Variants in GALNT13 observed in about 807,000 individuals in gnomAD.
GALNT13 encodes UDP-GalNAc:polypeptide N-acetylgalactosaminyltransferase 13.
A neutral mutation model predicts 64.2 loss-of-function variants in GALNT13; 28 were observed. The observed-to-expected ratio is 0.44, with a 90% CI of 0.32 to 0.60. GALNT13 has a LOEUF of 0.60. Ranked by LOEUF, GALNT13 falls within the 20% of genes least tolerant of loss-of-function variation. The probability of loss-of-function intolerance (pLI) is 0.05; values close to 1 mark genes in which losing one functional copy is unlikely to be tolerated. For synonymous variants in GALNT13, 214 were observed against 224.6 expected (o/e 0.95, Z 0.42); for missense variants, 577 against 669.8 (o/e 0.86, Z 1.53).
chr2:153,141,761 A>C, the GALNT13 span, among the ~76,000 whole-genome samples: 1 of 152,174 alleles, frequency 6.6e-6, no homozygotes, highest in South Asian at 2.1e-4. Flanking sequence ...TACCATCATT[A>C]TAGAAGTCAT....
At chr2:153,521,946 AATG>A in the GALNT13 span, among the ~76,000 whole-genome samples, 1 of 152,138 alleles carries the variant, frequency 6.6e-6, no homozygotes, top group African/African-American at 2.4e-5. Context: ...TTGCCAACTG[AATG>A]ATATCTTAGT....
chr2:153,742,227 A>G, the GALNT13 span, among the ~76,000 whole-genome samples: 1 of 151,958 alleles, frequency 6.6e-6, no homozygotes, highest in Non-Finnish European at 1.5e-5. Flanking sequence ...AACATGCACT[A>G]TTTGTCTTTC....
intron 11 of GALNT13, among the ~76,000 whole-genome samples, chr2:154,410,771 ATAAT>A (rs1224603501): frequency 6.6e-6 from 1 of 151,952 alleles, no homozygotes; most frequent in Non-Finnish European, 1.5e-5. Flanking sequence ...TATCTGCTCC[ATAAT>A]TTCATACAGA....
At chr2:153,917,675 A>G (rs999290022) in intron 2 of GALNT13, among the ~76,000 whole-genome samples, 1 of 152,110 alleles carries the variant, frequency 6.6e-6, no homozygotes, top group Non-Finnish European at 1.5e-5. Context: ...ATTCTATCCA[A>G]ATCTCCCACC....
chr2:153,302,172 A>C, the GALNT13 span, among the ~76,000 whole-genome samples: 25 of 152,140 alleles, frequency 1.6e-4, no homozygotes, highest in Admixed American at 6.5e-4. Flanking sequence ...CCCACCAAAA[A>C]GTGTGCAACA....
At chr2:153,535,550 G>A in the GALNT13 span, among the ~76,000 whole-genome samples, 57 of 152,244 alleles carry the variant, frequency 3.7e-4, no homozygotes, top group African/African-American at 1.3e-3. Context: ...AGTCTAAGTT[G>A]GTCTGGTGTC....
chr2:154,099,618 T>G (rs1008497705), intron 3 of GALNT13, among the ~76,000 whole-genome samples: 1 of 152,074 alleles, frequency 6.6e-6, no homozygotes, highest in Admixed American at 6.6e-5. Context: ...GGTCAACTTT[T>G]GTTCTTCTGC....
chr2:153,204,297 G>T, the GALNT13 span, among the ~76,000 whole-genome samples: 1 of 152,090 alleles, frequency 6.6e-6, no homozygotes, highest in Non-Finnish European at 1.5e-5. Context: ...CTCGCCTCTT[G>T]AGGGATGCTT....
the GALNT13 span, among the ~76,000 whole-genome samples, chr2:153,614,028 G>A: frequency 4.4e-4 from 66 of 151,700 alleles, no homozygotes; most frequent in East Asian, 0.01. Flanking sequence ...AAAAAAAAAA[G>A]AAAAGTGTTT....
At chr2:153,525,916 G>C in the GALNT13 span, among the ~76,000 whole-genome samples, 1 of 152,272 alleles carries the variant, frequency 6.6e-6, no homozygotes, top group African/African-American at 2.4e-5. Context: ...TAGGCTGGCA[G>C]TACTGCACAT....
At chr2:153,511,273 G>A in the GALNT13 span, among the ~76,000 whole-genome samples, 9 of 151,136 alleles carry the variant, frequency 6.0e-5, 1 homozygote, top group South Asian at 1.7e-3. Context: ...GAAGAGTTGG[G>A]GTCCACTGCA....
intron 9 of GALNT13, among the ~76,000 whole-genome samples, chr2:154,305,390 AACACAC>A (rs758453204): frequency 6.6e-6 from 1 of 150,750 alleles, no homozygotes; most frequent in Non-Finnish European, 1.5e-5. Flanking sequence ...TGCACACACA[AACACAC>A]ACACACACAC....
At chr2:153,535,029 G>A in the GALNT13 span, among the ~76,000 whole-genome samples, 13,822 of 151,932 alleles carry the variant, frequency 0.091, 693 homozygotes, top group Middle Eastern at 0.16. Flanking sequence ...ATTTTTGGGG[G>A]GTGGTATGGA....
chr2:153,917,687 G>C (rs1452253695), intron 2 of GALNT13, among the ~76,000 whole-genome samples: 1 of 152,090 alleles, frequency 6.6e-6, no homozygotes, highest in Admixed American at 6.6e-5. Flanking sequence ...TCTCCCACCT[G>C]TAAGCCAAAA....
At chr2:154,373,347 G>A (rs1291850225) in intron 9 of GALNT13, among the ~76,000 whole-genome samples, 1 of 152,100 alleles carries the variant, frequency 6.6e-6, no homozygotes, top group African/African-American at 2.4e-5. Context: ...CATTTAAATT[G>A]AGGCTTGAAT....
the GALNT13 span, among the ~76,000 whole-genome samples, chr2:153,630,335 C>A: frequency 1.3e-5 from 2 of 151,886 alleles, no homozygotes; most frequent in Admixed American, 1.3e-4. Flanking sequence ...ATGATGAGTT[C>A]ATGTCGTTTG....
intron 1 of GALNT13, among the ~76,000 whole-genome samples, chr2:153,894,792 G>T (rs1321884382): frequency 2.6e-5 from 4 of 152,030 alleles, no homozygotes; most frequent in Non-Finnish European, 5.9e-5. Flanking sequence ...CACAATAACA[G>T]AACTTAAATA....
chr2:154,317,073 C>T (rs946232271), intron 9 of GALNT13, among the ~76,000 whole-genome samples: 2 of 151,958 alleles, frequency 1.3e-5, no homozygotes, highest in Non-Finnish European at 2.9e-5. Context: ...GTTAGCTGGG[C>T]GTGGTGGTAT....
chr2:153,085,574 T>G, the GALNT13 span, among the ~76,000 whole-genome samples: 2 of 152,212 alleles, frequency 1.3e-5, no homozygotes, highest in East Asian at 3.9e-4. Flanking sequence ...TCTTGGCAGC[T>G]TCCACATGGT....
Sources: allele counts gnomAD v4.1 joint callset (sites outside exome capture counted in the v4.1 genomes callset), GRCh38; gene constraint gnomAD v4.1.1; transcripts MANE v1.5; gene names NCBI Gene and HGNC (gene_info 2026-07-23, HGNC 2026-07-21).